Variants in VMP1 observed in about 807,000 individuals in gnomAD.
VMP1 encodes vacuole membrane protein 1.
In VMP1, 11 loss-of-function variants were observed where a neutral mutation model predicts 56.0. That is an observed-to-expected ratio of 0.20 (90% CI 0.12 to 0.32). The LOEUF (loss-of-function observed/expected upper bound fraction) is 0.32. Among genes scored for constraint, VMP1 ranks in the 10% least tolerant of loss-of-function variants. The pLI is 1.00. For synonymous variants in VMP1, 149 were observed against 165.0 expected, an observed-to-expected ratio of 0.90 and a Z score of 0.74; for missense variants, 296 against 490.3, an observed-to-expected ratio of 0.60 and a Z score of 3.74.
chr17:59,803,765 A>T, intron 7 of VMP1, among the ~76,000 whole-genome samples: 1 of 152,160 alleles, frequency 6.6e-6, no homozygotes, highest in East Asian at 1.9e-4. Flanking sequence ...TGAAATATTA[A>T]TTTTTTTAAC....
intron 5 of VMP1, among the ~76,000 whole-genome samples, chr17:59,763,283 CAA>C (rs2036122575): frequency 6.6e-6 from 1 of 151,768 alleles, no homozygotes; most frequent in Admixed American, 6.6e-5. Flanking sequence ...TTTTTTCCCC[CAA>C]GTGTGAAATC....
At chr17:59,749,290 A>C (rs939604721) in intron 5 of VMP1, among the ~76,000 whole-genome samples, 2 of 151,834 alleles carry the variant, frequency 1.3e-5, no homozygotes, top group African/African-American at 2.4e-5. Flanking sequence ...AAAGGTGAGT[A>C]TATGTATATA....
chr17:59,786,299 T>A (rs2037004575), intron 7 of VMP1, among the ~76,000 whole-genome samples: 1 of 152,198 alleles, frequency 6.6e-6, no homozygotes, highest in African/African-American at 2.4e-5. Context: ...AAGGAATTGA[T>A]AAGATTATTT....
rs182672757 is a variant in VMP1, at chr17:59,815,579, T to C, written c.913-2133T>C. On this transcript the variant is annotated intron_variant, in intron 9 of 11. Transcript: ENST00000262291. ...CTTAAGATTCTTCTTTCTGGCCGGGTGCGGTGGCTCACGCCTGTAATCCCA... is the reference window on the plus strand; with the variant it reads ...CTTAAGATTCTTCTTTCTGGCCGGGCGCGGTGGCTCACGCCTGTAATCCCA... Among the ~76,000 whole-genome samples the C allele has an allele frequency of 2.1e-5, 3 of 146,186 alleles. No homozygotes were observed. The Admixed American group carries it at 2.1e-4, about 10-fold the overall frequency.
intron 7 of VMP1, among the ~76,000 whole-genome samples, chr17:59,805,323 C>G (rs1369760115): frequency 6.6e-6 from 1 of 152,296 alleles, no homozygotes; most frequent in East Asian, 1.9e-4. Context: ...TGGCTCCTTA[C>G]GTGTTATTCC....
chr17:59,841,145 T>G lies in VMP1; in HGVS notation c.*1234T>G, dbSNP rs1481567281. On this transcript the variant is annotated 3_prime_UTR_variant, in exon 12 of 12. Transcript: ENST00000262291. ...ATAGAATAGAATTGGGGTTCGATCT[T>G]AACAGGCCAGAAATGCCTGGGTTTT... is the stretch of plus-strand genomic sequence containing the variant. 1.6e-5 allele frequency: 5 copies of G among 307,566 alleles called. No individual in the cohort carries two copies. In the East Asian group the frequency reaches 3.5e-4, roughly 22 times the overall value. The allele number at this position is 307,566 out of a possible 1,614,324, so 19.1% of individuals were successfully genotyped here. A position where few individuals can be genotyped will look rare whatever the true frequency, so the allele number is the denominator to read the frequency against.
intron 1 of VMP1, among the ~76,000 whole-genome samples, chr17:59,708,820 C>T (rs2033792127): frequency 6.6e-6 from 1 of 152,134 alleles, no homozygotes; most frequent in African/African-American, 2.4e-5. Context: ...TGCATTGTAG[C>T]TTATGTTTTT....
At chr17:59,833,590 G>A (rs768137674) in intron 10 of VMP1, among the ~76,000 whole-genome samples, 4 of 152,112 alleles carry the variant, frequency 2.6e-5, no homozygotes, top group Non-Finnish European at 5.9e-5. Flanking sequence ...CCTCCATAGA[G>A]ACACATAACA....
chr17:59,812,285 G>A (rs1049842084), intron 9 of VMP1, among the ~76,000 whole-genome samples: 4 of 152,134 alleles, frequency 2.6e-5, no homozygotes, highest in Admixed American at 1.3e-4. Flanking sequence ...CCGAAAAACA[G>A]CCAGATGTTA....
rs2035114706 is a variant in VMP1 at position 59,739,010 on chromosome 17, A to G, written c.414+63A>G. ...TTCCTATCTTTTTATTGGTGCTTTTATGTCAGAAGTAAAAATTCTAAGATT... is the reference window on the plus strand; with the variant it reads ...TTCCTATCTTTTTATTGGTGCTTTTGTGTCAGAAGTAAAAATTCTAAGATT... On this transcript the variant is annotated intron_variant, in intron 5 of 11. Coordinates refer to ENST00000262291, the MANE Select transcript of VMP1 (RefSeq NM_030938.5). 4 of 1,305,922 alleles carry G rather than the reference A, an allele frequency of 3.1e-6. No individual in the cohort carries two copies. In the Admixed American group the frequency reaches 9.7e-5, roughly 32 times the overall value. 80.9% of individuals were successfully genotyped at this position (1,305,922 alleles called of 1,614,324 possible). A position where few individuals can be genotyped will look rare whatever the true frequency, so the allele number is the denominator to read the frequency against.
At chr17:59,807,832 C>CAAAA (rs543862899) in intron 7 of VMP1, among the ~76,000 whole-genome samples, 3 of 85,646 alleles carry the variant, frequency 3.5e-5, no homozygotes, top group Non-Finnish European at 4.9e-5. Flanking sequence ...AACTCCGTCT[C>CAAAA]AAAAAAAAAA....
At chr17:59,742,557 G>A (rs1312998072) in intron 5 of VMP1, among the ~76,000 whole-genome samples, 2 of 106,128 alleles carry the variant, frequency 1.9e-5, no homozygotes, top group Non-Finnish European at 2.3e-5. Flanking sequence ...AATAATAATA[G>A]GCTTTATTGT....
intron 7 of VMP1, among the ~76,000 whole-genome samples, chr17:59,799,559 A>G (rs1330862739): frequency 3.3e-5 from 5 of 152,206 alleles, no homozygotes; most frequent in Admixed American, 6.6e-5. Flanking sequence ...TATTTCAACA[A>G]TATCCCTACT....
At chr17:59,784,138 T>TGAGA (rs1278302063) in intron 7 of VMP1, among the ~76,000 whole-genome samples, 1,598 of 132,384 alleles carry the variant, frequency 0.012, 23 homozygotes, top group African/African-American at 0.045. Context: ...TGTGTGTGTG[T>TGAGA]GTGTGAGAGA....
intron 5 of VMP1, among the ~76,000 whole-genome samples, chr17:59,752,730 A>G (rs1283668619): frequency 6.6e-6 from 1 of 152,198 alleles, no homozygotes; most frequent in East Asian, 1.9e-4. Context: ...TAAATAACTT[A>G]TGGATTAAGT....
At chr17:59,740,088 A>C (rs972575282) in intron 5 of VMP1, among the ~76,000 whole-genome samples, 13 of 151,416 alleles carry the variant, frequency 8.6e-5, no homozygotes, top group African/African-American at 3.2e-4. Context: ...AAAAAAAAAA[A>C]AGAAAAAGAA....
intron 7 of VMP1, among the ~76,000 whole-genome samples, chr17:59,798,668 C>T (rs1568168817): frequency 6.6e-6 from 1 of 152,224 alleles, no homozygotes; most frequent in Non-Finnish European, 1.5e-5. Flanking sequence ...AGGCGGATCA[C>T]CTGAGGTCGG....
intron 10 of VMP1, among the ~76,000 whole-genome samples, chr17:59,828,520 T>G (rs1370870404): frequency 6.6e-6 from 1 of 152,222 alleles, no homozygotes; most frequent in African/African-American, 2.4e-5. Flanking sequence ...AAAAGAAGTT[T>G]TAATCATTTG....
chr17:59,723,461 G>A (rs1252011710), intron 1 of VMP1, among the ~76,000 whole-genome samples: 4 of 152,226 alleles, frequency 2.6e-5, no homozygotes, highest in South Asian at 2.1e-4. Flanking sequence ...TGTGTTCAGC[G>A]AAGGTAAGAG....
Sources: allele counts gnomAD v4.1 joint callset (sites outside exome capture counted in the v4.1 genomes callset), GRCh38; gene constraint gnomAD v4.1.1; transcripts MANE v1.5; gene names NCBI Gene and HGNC (gene_info 2026-07-23, HGNC 2026-07-21).